Variants in PKHD1 observed in about 807,000 individuals in gnomAD.
PKHD1 encodes fibrocystin.
PKHD1 carries 291 observed loss-of-function variants against 412.0 expected under a neutral mutation model. The observed-to-expected ratio is 0.71, with a 90% CI of 0.64 to 0.78. PKHD1 has a LOEUF of 0.78. Among genes scored for constraint, PKHD1 ranks in the 30% least tolerant of loss-of-function variants. The probability of loss-of-function intolerance (pLI) is 0.00; values close to 1 mark genes in which losing one functional copy is unlikely to be tolerated. For synonymous variants in PKHD1, 1,777 were observed against 1,821.5 expected, an observed-to-expected ratio of 0.98 and a Z score of 0.62; for missense variants, 4,825 against 4,950.7, an observed-to-expected ratio of 0.97 and a Z score of 0.76.
At chr6:51,919,763 A>G (rs1329275013) in intron 37 of PKHD1, among the ~76,000 whole-genome samples, 1 of 152,240 alleles carries the variant, frequency 6.6e-6, no homozygotes, top group Non-Finnish European at 1.5e-5. Flanking sequence ...ATCCATGAGC[A>G]TGGAATGTTC....
chr6:51,808,695 T>C (rs565758542), intron 52 of PKHD1, among the ~76,000 whole-genome samples: 16 of 152,244 alleles, frequency 1.1e-4, no homozygotes, highest in South Asian at 8.3e-4. Context: ...TAATTTACAT[T>C]TTGATAGGTA....
chr6:51,627,475 T>C (rs1474651264), intron 65 of PKHD1, among the ~76,000 whole-genome samples: 2 of 151,970 alleles, frequency 1.3e-5, no homozygotes, highest in African/African-American at 4.8e-5. Context: ...AATAATATTC[T>C]TGATATATTA....
chr6:51,845,476 C>A (rs183231020), intron 50 of PKHD1, among the ~76,000 whole-genome samples: 1 of 152,274 alleles, frequency 6.6e-6, no homozygotes, highest in East Asian at 1.9e-4. Context: ...GCAAGAGTCT[C>A]CAAGTTTGTT....
chr6:51,644,033 A>G (rs1769744119), intron 63 of PKHD1, among the ~76,000 whole-genome samples: 1 of 152,218 alleles, frequency 6.6e-6, no homozygotes, highest in Non-Finnish European at 1.5e-5. Context: ...AAACAATAAG[A>G]CGAAGCAAGC....
intron 4 of PKHD1, among the ~76,000 whole-genome samples, chr6:52,082,137 A>C (rs1370622150): frequency 6.6e-6 from 1 of 152,190 alleles, no homozygotes; most frequent in Non-Finnish European, 1.5e-5. Flanking sequence ...CTCTTTGCAA[A>C]AAAAAACAAA....
At chr6:51,639,004 G>T in intron 63 of PKHD1, 48 bp from the exon 64 acceptor site, 1 of 1,287,678 alleles carries the variant, frequency 7.8e-7, no homozygotes, top group Non-Finnish European at 1.1e-6. Context: ...ATCTAATCTC[G>T]AACAATGTCT....
At chr6:51,666,327 C>T (rs1446267054) in intron 60 of PKHD1, among the ~76,000 whole-genome samples, 2 of 152,108 alleles carry the variant, frequency 1.3e-5, no homozygotes, top group African/African-American at 4.8e-5. Context: ...ACCCAGCTTA[C>T]CTCTGTATCA....
At chr6:51,676,470 G>C (rs376811411) in intron 60 of PKHD1, among the ~76,000 whole-genome samples, 3 of 151,968 alleles carry the variant, frequency 2.0e-5, no homozygotes, top group African/African-American at 7.2e-5. Context: ...AATTTTTTTA[G>C]CCATTTTGTA....
chr6:52,053,086 T>G lies in PKHD1; in HGVS notation c.2130A>C (p.Thr710=), dbSNP rs751554608. 2.5e-6 allele frequency: 4 copies of G among 1,613,970 alleles called. No homozygotes were observed. The highest frequency in any genetic ancestry group is 2.5e-6 in the Non-Finnish European group (3 of 1,179,982). Residue 710 remains threonine, a synonymous_variant, in exon 21 of 67, where the codon ACA becomes ACC. Coordinates refer to ENST00000371117, the MANE Select transcript of PKHD1 (RefSeq NM_138694.4). ...FYVDEIIIAD[T]NVTVSQADSG... ...GAATTTGATGATTACCTGTTACGTTTGTGTCTGCAATAATAATTTCATCCA... is the reference window on the plus strand; with the variant it reads ...GAATTTGATGATTACCTGTTACGTTGGTGTCTGCAATAATAATTTCATCCA...
chr6:51,709,410 C>T (rs1458731103), intron 60 of PKHD1, among the ~76,000 whole-genome samples: 1 of 152,178 alleles, frequency 6.6e-6, no homozygotes, highest in Non-Finnish European at 1.5e-5. Context: ...TTCTTGTTGT[C>T]CCAGCAAAAT....
At chr6:51,885,997 T>A in intron 44 of PKHD1, 25 bp from the exon 45 acceptor site, 1 of 1,320,570 alleles carries the variant, frequency 7.6e-7, no homozygotes, top group Non-Finnish European at 1.1e-6. Context: ...AGAATGAAAT[T>A]AAGCCAATTT....
chr6:52,070,970 A>G, intron 9 of PKHD1, 36 bp downstream of exon 9: 1 of 1,311,412 alleles, frequency 7.6e-7, no homozygotes, highest in Non-Finnish European at 1.1e-6. Flanking sequence ...AAAGAAATGG[A>G]TAAGACTTTA....
At chr6:51,789,709 G>T (rs187991870) in intron 53 of PKHD1, among the ~76,000 whole-genome samples, 74 of 152,176 alleles carry the variant, frequency 4.9e-4, no homozygotes, top group Admixed American at 4.8e-3. Flanking sequence ...TTGTTTTTCT[G>T]TGTTTGCAGT....
intron 60 of PKHD1, chr6:51,721,187 G>A (rs886652267): frequency 1.1e-6 from 1 of 931,300 alleles, no homozygotes; most frequent in African/African-American, 1.8e-5. Context: ...TTAAGGTCAT[G>A]GCCAAGGTCT....
chr6:51,716,199 G>GTTCTGTGAATA (rs1781235740), intron 60 of PKHD1, among the ~76,000 whole-genome samples: 1 of 152,180 alleles, frequency 6.6e-6, no homozygotes, highest in Non-Finnish European at 1.5e-5. Flanking sequence ...AAGCTAGAAT[G>GTTCTGTGAATA]TTCTGTGAAT....
At chr6:51,673,841 C>A (rs1775405617) in intron 60 of PKHD1, among the ~76,000 whole-genome samples, 1 of 152,090 alleles carries the variant, frequency 6.6e-6, no homozygotes, top group African/African-American at 2.4e-5. Flanking sequence ...GGCTAGGTTC[C>A]AGTTGAGGTA....
intron 25 of PKHD1, 74 bp downstream of exon 25, chr6:52,044,892 A>G (rs1201416252): frequency 1.3e-6 from 2 of 1,542,728 alleles, no homozygotes; most frequent in Non-Finnish European, 9.0e-7. Context: ...CAATGAGTCC[A>G]TGTTACAAAT....
intron 21 of PKHD1, among the ~76,000 whole-genome samples, chr6:52,051,826 C>G (rs1806889234): frequency 1.7e-5 from 1 of 58,434 alleles, no homozygotes; most frequent in African/African-American, 3.4e-5. Flanking sequence ...CCAAAGACCC[C>G]CAGCCAGTTG....
intron 55 of PKHD1, among the ~76,000 whole-genome samples, chr6:51,760,016 T>C (rs567825065): frequency 2.0e-5 from 3 of 152,174 alleles, no homozygotes; most frequent in East Asian, 3.9e-4. Flanking sequence ...CTCTAACATA[T>C]GAAAAAAAAT....
Sources: gnomAD v4.1 joint callset for allele counts (sites outside exome capture counted in the v4.1 genomes callset) on GRCh38, gnomAD v4.1.1 for gene constraint, MANE v1.5 for transcripts, NCBI Gene and HGNC (gene_info 2026-07-23, HGNC 2026-07-21) for gene names.